TBC1D1: variants seen among roughly 807,000 people sequenced by gnomAD.
The protein encoded by TBC1D1 is TBC1 domain family member 1, also known as TBC1 (tre-2/USP6, BUB2, cdc16) domain family, member 1.
TBC1D1 carries 89 observed loss-of-function variants against 125.6 expected under a neutral mutation model. That is an observed-to-expected ratio of 0.71 (90% CI 0.60 to 0.85). The LOEUF (loss-of-function observed/expected upper bound fraction) is 0.85. Among genes scored for constraint, TBC1D1 ranks in the 40% least tolerant of loss-of-function variants. The pLI is 0.00. For synonymous variants in TBC1D1, 565 were observed against 564.1 expected, an observed-to-expected ratio of 1.00 and a Z score of -0.02; for missense variants, 1,377 against 1,469.2, an observed-to-expected ratio of 0.94 and a Z score of 1.03.
rs141020606 is a variant in TBC1D1, at chr4:37,936,787, T to C, written c.417+34275T>C. Among the ~76,000 whole-genome samples, 709 of 152,362 alleles carry C rather than the reference T, an allele frequency of 4.7e-3. 6 individuals are homozygous for C. Among genetic ancestry groups the C allele is most frequent in the African/African-American group, 0.014 (599 of 41,588 alleles). On this transcript the variant is annotated intron_variant, in intron 2 of 19. Coordinates refer to ENST00000261439, the MANE Select transcript of TBC1D1 (RefSeq NM_015173.4). ...CTCCTTGCGAGATGGGATTTTTATC[T>C]GTTTTGTTCACTGCAGAATTCTTGG...
At chr4:37,927,352 T>C (rs1285483594) in intron 2 of TBC1D1, among the ~76,000 whole-genome samples, 1 of 152,216 alleles carries the variant, frequency 6.6e-6, no homozygotes, top group Non-Finnish European at 1.5e-5. Context: ...TACAATTCTA[T>C]TTTTTTGTGT....
chr4:37,926,638 A>C (rs1463738876), intron 2 of TBC1D1, among the ~76,000 whole-genome samples: 1 of 152,230 alleles, frequency 6.6e-6, no homozygotes. Flanking sequence ...AATTCAATAC[A>C]TATCTTTTGA....
At chr4:38,021,001 T>G (rs1743888513) in intron 5 of TBC1D1, 1 of 264,990 alleles carries the variant, frequency 3.8e-6, no homozygotes, top group Non-Finnish European at 7.4e-6. Context: ...GTATTTTTAG[T>G]TTTTACTGTA....
intron 12 of TBC1D1, among the ~76,000 whole-genome samples, chr4:38,088,911 C>T (rs1757983424): frequency 6.6e-6 from 1 of 152,138 alleles, no homozygotes; most frequent in South Asian, 2.1e-4. Context: ...TAATATGTAT[C>T]AAATTGAGAT....
At chr4:38,053,006 C>A in intron 11 of TBC1D1, 100 bp from the exon 13 acceptor site, 2 of 862,772 alleles carry the variant, frequency 2.3e-6, no homozygotes, top group Non-Finnish European at 3.1e-6. Flanking sequence ...CTTTTCTTAG[C>A]ATTAGAACAA....
chr4:38,107,643 A>G (rs554983934), intron 15 of TBC1D1, among the ~76,000 whole-genome samples: 114 of 124,670 alleles, frequency 9.1e-4, no homozygotes, highest in African/African-American at 3.5e-3. Context: ...AATAGGCCTC[A>G]TGGCTGGGTC....
chr4:37,916,407 G>T (rs1481422354), intron 2 of TBC1D1, among the ~76,000 whole-genome samples: 1 of 152,006 alleles, frequency 6.6e-6, no homozygotes, highest in Non-Finnish European at 1.5e-5. Context: ...TGATAGAGGT[G>T]CATCGTTTTT....
At chr4:38,023,816 C>CT (rs1159705594) in intron 6 of TBC1D1, among the ~76,000 whole-genome samples, 1 of 152,120 alleles carries the variant, frequency 6.6e-6, no homozygotes, top group Non-Finnish European at 1.5e-5. Flanking sequence ...GCTTTCAATT[C>CT]TTTCGGTTAT....
intron 2 of TBC1D1, among the ~76,000 whole-genome samples, chr4:37,989,561 T>C (rs2152384735): frequency 6.6e-6 from 1 of 152,362 alleles, no homozygotes; most frequent in Non-Finnish European, 1.5e-5. Flanking sequence ...CTTTAAATGT[T>C]TTACGGAGAT....
chr4:38,049,687 G>A lies in TBC1D1; in HGVS notation c.1699G>A (p.Glu567Lys). The A allele has an allele frequency of 6.2e-7, 1 of 1,614,146 alleles. No homozygotes were observed. The highest frequency in any genetic ancestry group is 1.1e-5 in the South Asian group (1 of 91,084). Residue 567 changes from glutamate (E) to lysine (K), a missense_variant, in exon 11 of 20, where the codon GAG (glutamate) becomes AAG (lysine). Physicochemically the swap from Glu to Lys is moderately conservative, Grantham distance 56 (BLOSUM62 1). This residue lies in a region of TBC1D1 where 822 missense variants were observed against 824.6 expected (regional missense o/e 1.00). Coordinates refer to ENST00000261439, the MANE Select transcript of TBC1D1 (RefSeq NM_015173.4). ...CTCCTTTAAGCTCCTCGGCTCCTCGGAGGACCTGTCCAGTGACTCGGAGAG... is the reference window on the plus strand; with the variant it reads ...CTCCTTTAAGCTCCTCGGCTCCTCGAAGGACCTGTCCAGTGACTCGGAGAG...
At chr4:38,112,338 G>C (rs1329543961) in intron 15 of TBC1D1, among the ~76,000 whole-genome samples, 1 of 152,228 alleles carries the variant, frequency 6.6e-6, no homozygotes, top group African/African-American at 2.4e-5. Context: ...GCTCTGCAAA[G>C]TTGTTCCTTT....
chr4:38,112,524 C>G (rs542900827), intron 15 of TBC1D1, among the ~76,000 whole-genome samples: 2 of 152,236 alleles, frequency 1.3e-5, no homozygotes, highest in East Asian at 1.9e-4. Flanking sequence ...CGTGTACTCT[C>G]CACTCTGCAA....
intron 12 of TBC1D1, among the ~76,000 whole-genome samples, chr4:38,081,446 C>T (rs1025428795): frequency 9.2e-5 from 14 of 152,112 alleles, no homozygotes; most frequent in Non-Finnish European, 1.8e-4. Context: ...ACGGTGACCC[C>T]GGGCCTCCTA....
chr4:38,120,874 TGGA>T (rs1446886689), intron 17 of TBC1D1, among the ~76,000 whole-genome samples: 2 of 152,112 alleles, frequency 1.3e-5, no homozygotes, highest in African/African-American at 4.8e-5. Flanking sequence ...TTGCTCCTGA[TGGA>T]GGAGGAGGCT....
chr4:37,941,589 T>C (rs1452095557), intron 2 of TBC1D1, among the ~76,000 whole-genome samples: 4 of 152,238 alleles, frequency 2.6e-5, no homozygotes, highest in Non-Finnish European at 5.9e-5. Context: ...TTGCTCTTGC[T>C]TCTCTAGTTC....
chr4:37,953,425 T>G (rs947632583), intron 2 of TBC1D1, among the ~76,000 whole-genome samples: 2 of 152,228 alleles, frequency 1.3e-5, no homozygotes, highest in Non-Finnish European at 2.9e-5. Flanking sequence ...AGAATCCTGC[T>G]CCTGTAGTTT....
intron 19 of TBC1D1, among the ~76,000 whole-genome samples, chr4:38,133,480 G>C (rs2152639838): frequency 6.6e-6 from 1 of 152,312 alleles, no homozygotes; most frequent in Admixed American, 6.5e-5. Flanking sequence ...AGCTTTCTGA[G>C]AGGCTGTTTC....
At chr4:37,904,106 G>T (rs574189516) in intron 2 of TBC1D1, among the ~76,000 whole-genome samples, 1 of 152,298 alleles carries the variant, frequency 6.6e-6, no homozygotes, top group South Asian at 2.1e-4. Flanking sequence ...GTTAAATGGG[G>T]ATAATTACAG....
At chr4:38,031,424 G>A (rs1746106731) in intron 7 of TBC1D1, among the ~76,000 whole-genome samples, 1 of 152,186 alleles carries the variant, frequency 6.6e-6, no homozygotes, top group African/African-American at 2.4e-5. Flanking sequence ...AATGATGTTA[G>A]ACTGTAGTTT....
Sources: gnomAD v4.1 joint callset for allele counts (sites outside exome capture counted in the v4.1 genomes callset) on GRCh38, gnomAD v4.1.1 for gene constraint, gnomAD v4.1.1 regional missense constraint, MANE v1.5 for transcripts, NCBI Gene and HGNC (gene_info 2026-07-23, HGNC 2026-07-21) for gene names.